Variants in KLK12 observed in about 807,000 individuals in gnomAD.
KLK12 encodes the protein kallikrein-12.
Under a neutral mutation model 20.0 loss-of-function variants are expected in KLK12, and 23 were observed. That is an observed-to-expected ratio of 1.15 (90% CI 0.83 to 1.63). The LOEUF is 1.63. Among genes scored for constraint, KLK12 ranks in the 40% most tolerant of loss-of-function variants. The pLI, the probability that KLK12 is intolerant of heterozygous loss-of-function variation, is 0.00. For synonymous variants in KLK12, 147 were observed against 141.9 expected (o/e 1.04, Z -0.25); for missense variants, 351 against 338.6 (o/e 1.04, Z -0.29).
intron 5 of KLK12, 70 bp from the exon 6 acceptor site, chr19:51,029,527 A>C: frequency 2.3e-6 from 3 of 1,320,014 alleles, no homozygotes; most frequent in Non-Finnish European, 3.3e-6. Context: ...CCAACCCTTC[A>C]ACCCAGTCCT....
intron 4 of KLK12, 34 bp from the exon 5 acceptor site, chr19:51,030,955 T>C (rs773283952): frequency 1.2e-6 from 2 of 1,613,648 alleles, no homozygotes; most frequent in East Asian, 4.5e-5. Context: ...CAGGGTCCCC[T>C]AAATCTCCCC....
chr19:51,029,565 T>G, intron 5 of KLK12, 108 bp from the exon 6 acceptor site: 1 of 865,452 alleles, frequency 1.2e-6, no homozygotes, highest in African/African-American at 1.7e-5. Flanking sequence ...CCAAGTCTGG[T>G]CATTAGACAA....
chr19:51,032,252 T>A, intron 3 of KLK12, 117 bp from the exon 4 acceptor site: 3 of 1,157,008 alleles, frequency 2.6e-6, no homozygotes, highest in Non-Finnish European at 3.7e-6. Flanking sequence ...CTGTCTGTCC[T>A]CTCACCCGCA....
In KLK12 at chr19:51,030,914, G is replaced by A. The variant is rs2091551468; in HGVS notation, c.465C>T (p.Phe155=). Residue 155 remains phenylalanine, a synonymous_variant, in exon 5 of 6, where the codon TTC becomes TTT. Transcript: ENST00000684732. ...WGITNHPRNP[F]PDLLQCLNLS... is the part of the protein sequence containing the mutation. ...GGTTGAGGCACTGGAGCAGATCCGG[G>A]AATGGGTCTGGAGAGAGAACATGCG... 1.2e-6 allele frequency: 2 copies of A among 1,614,110 alleles called. 1 individual carries two copies. Among genetic ancestry groups the A allele is most frequent in the African/African-American group, 2.7e-5 (2 of 75,044 alleles).
chr19:51,029,830 A>G (rs928538705), intron 5 of KLK12, among the ~76,000 whole-genome samples: 18 of 152,218 alleles, frequency 1.2e-4, no homozygotes, highest in Admixed American at 3.3e-4. Flanking sequence ...GCCCTGACCA[A>G]TGAGGAGAGA....
chr19:51,029,440 G>A lies in KLK12; in HGVS notation c.609C>T (p.Pro203=), dbSNP rs1202278652. 6.2e-7 allele frequency: 1 copy of A among 1,612,778 alleles called. No homozygotes were observed. Among genetic ancestry groups the A allele is most frequent in the Non-Finnish European group, 8.5e-7 (1 of 1,178,762 alleles). The change falls in exon 6 of 6, where the codon CCC becomes CCT. Residue 203 remains proline (P), a synonymous_variant. Coordinates refer to ENST00000684732, the MANE Select transcript of KLK12 (RefSeq NM_001370125.1). ...QDACQGDSGG[P]LVCGGVLQGL... ...CTTGAAGGACTCCCCCACACACCAG[G>A]GGGCCCCCAGAATCACCCTGGAAGG... is the stretch of plus-strand genomic sequence containing the variant.
chr19:51,031,004 T>A, intron 4 of KLK12, 83 bp from the exon 5 acceptor site: 3 of 1,530,088 alleles, frequency 2.0e-6, no homozygotes, highest in East Asian at 2.3e-5. Flanking sequence ...ATGTGGCCCA[T>A]CCATGTCAAT....
intron 4 of KLK12, 73 bp from the exon 5 acceptor site, chr19:51,030,994 A>T: frequency 1.3e-6 from 2 of 1,589,340 alleles, no homozygotes; most frequent in South Asian, 2.2e-5. Flanking sequence ...TCTTCCCTGG[A>T]TGTGGCCCAT....
rs1341714211 is a variant in KLK12, at chr19:51,030,918, G to A, written c.461C>T (p.Pro154Leu). ...GWGITNHPRNPFPDLLQCLNL... is the reference protein window; with the variant it reads ...GWGITNHPRNLFPDLLQCLNL... ...GAGGCACTGGAGCAGATCCGGGAAT[G>A]GGTCTGGAGAGAGAACATGCGTGCT... Residue 154 changes from proline (P) to leucine (L), a missense_variant, in exon 5 of 6, where the codon CCA (proline) becomes CTA (leucine). Physicochemically the swap from Pro to Leu is moderately conservative, Grantham distance 98 (BLOSUM62 -3). Transcript: ENST00000684732. The A allele has an allele frequency of 1.2e-6, 2 of 1,614,086 alleles. No individual in the cohort carries two copies. The highest frequency in any genetic ancestry group is 2.2e-5 in the South Asian group (2 of 91,084).
intron 5 of KLK12, among the ~76,000 whole-genome samples, chr19:51,029,734 A>G (rs1599767623): frequency 1.3e-5 from 2 of 152,166 alleles, no homozygotes; most frequent in East Asian, 3.9e-4. Context: ...ATGAGGAGAG[A>G]GAGCACAGTC....
At chr19:51,029,890 A>C (rs2091537470) in intron 5 of KLK12, among the ~76,000 whole-genome samples, 1 of 152,132 alleles carries the variant, frequency 6.6e-6, no homozygotes, top group Non-Finnish European at 1.5e-5. Context: ...GGGACTCCAT[A>C]AAGGATAGAG....
At position 51,031,907 on chromosome 19, in the gene KLK12, G is replaced by A. The variant is rs753008611; in HGVS notation, c.426C>T (p.Val142=). 1.2e-6 allele frequency: 2 copies of A among 1,613,646 alleles called. No individual in the cohort carries two copies. Among genetic ancestry groups the A allele is most frequent in the Non-Finnish European group, 1.7e-6 (2 of 1,179,768 alleles). The change falls in exon 4 of 6, where the codon GTC becomes GTT. Residue 142 remains valine (V), a synonymous_variant. Coordinates refer to ENST00000684732, the MANE Select transcript of KLK12 (RefSeq NM_001370125.1). ...GGTGGTTGGTGATGCCCCAGCCTGAGACGTGGCACTCGGTGCCAGCGGTTG... is the reference window on the plus strand; with the variant it reads ...GGTGGTTGGTGATGCCCCAGCCTGAAACGTGGCACTCGGTGCCAGCGGTTG... ...DCATAGTECH[V]SGWGITNHPR...
In KLK12 at chr19:51,032,047, G is replaced by T. The variant is rs751405293; in HGVS notation, c.286C>A (p.Pro96Thr). Residue 96 changes from proline to threonine, a missense_variant, in exon 4 of 6, where the codon CCC becomes ACC. Pro to Thr is a conservative substitution (Grantham distance 38). Coordinates refer to ENST00000684732, the MANE Select transcript of KLK12 (RefSeq NM_001370125.1). The stretch of plus-strand genomic sequence containing the variant: ...CTCGTCGAGGCTCCCAGGTAGCCGG[G>T]ATGGGTCACAGAGAAGCCGCTGTGC... The part of the protein sequence containing the change: ...IRHSGFSVTH[P>T]GYLGASTSHE... 1 of 1,606,398 alleles carries T rather than the reference G, an allele frequency of 6.2e-7. No individual in the cohort carries two copies. Among genetic ancestry groups the T allele is most frequent in the East Asian group, 2.2e-5 (1 of 44,556 alleles).
intron 3 of KLK12, among the ~76,000 whole-genome samples, chr19:51,033,447 C>G (rs2091580246): frequency 1.3e-5 from 2 of 151,962 alleles, no homozygotes; most frequent in South Asian, 4.1e-4. Flanking sequence ...AAAACCCTGT[C>G]TCTACAAAAA....
At chr19:51,032,197 C>G in intron 3 of KLK12, 62 bp from the exon 4 acceptor site, 1 of 1,468,476 alleles carries the variant, frequency 6.8e-7, no homozygotes, top group South Asian at 1.2e-5. Context: ...CACCCCTCCA[C>G]GGACACTCAG....
intron 5 of KLK12, among the ~76,000 whole-genome samples, chr19:51,030,264 C>T (rs568872187): frequency 1.8e-3 from 271 of 151,710 alleles, no homozygotes; most frequent in Non-Finnish European, 3.4e-3. Context: ...CCTCCATTCC[C>T]CGGTCCTCCC....
In KLK12 at chr19:51,032,108, GT is replaced by G. The variant is rs1568578295; in HGVS notation, c.224del (p.His75ProfsTer19). On this transcript the variant is annotated frameshift_variant, in exon 4 of 6. Coordinates refer to ENST00000684732, the MANE Select transcript of KLK12 (RefSeq NM_001370125.1). LOFTEE classifies it high-confidence loss of function. ...GSRYWVRLGE[H>X]SLSQLDWTEQ... ...CGGTCCAGTCGAGCTGGCTGAGGCT[GT>G]GTTCCCCCAGGCGCACCCAGTACCT... 6.2e-7 allele frequency: 1 copy of G among 1,603,902 alleles called. No homozygotes were observed. The highest frequency in any genetic ancestry group is 1.1e-5 in the South Asian group (1 of 90,338).
chr19:51,034,535 G>A (rs1382211945), intron 2 of KLK12, 50 bp downstream of exon 2: 1 of 1,594,722 alleles, frequency 6.3e-7, no homozygotes, highest in Non-Finnish European at 8.6e-7. Context: ...TCATGGGGGT[G>A]AAGGGATCCA....
intron 3 of KLK12, among the ~76,000 whole-genome samples, chr19:51,032,338 C>CTGT (rs1415555093): frequency 3.3e-5 from 5 of 151,436 alleles, no homozygotes; most frequent in African/African-American, 1.2e-4. Flanking sequence ...TGGGTGTTCC[C>CTGT]TGTTTCTCCT....
Sources: allele counts gnomAD v4.1 joint callset (sites outside exome capture counted in the v4.1 genomes callset), GRCh38; gene constraint gnomAD v4.1.1; transcripts MANE v1.5; gene names NCBI Gene and HGNC (gene_info 2026-07-23, HGNC 2026-07-21).